The following GSG1L2 variants were observed in gnomAD, a reference collection of about 807,000 sequenced individuals.
GSG1L2 encodes GSG1 like 2.
GSG1L2 carries 15 observed loss-of-function variants against 9.0 expected under a neutral mutation model. That is an observed-to-expected ratio of 1.67 (90% CI 1.12 to 2.57). The LOEUF is 2.57. GSG1L2 is among the 30% of genes most tolerant of loss of function. The probability of loss-of-function intolerance (pLI) is 0.00; values close to 1 mark genes in which losing one functional copy is unlikely to be tolerated. For missense variants in GSG1L2, 286 were observed against 150.3 expected, an observed-to-expected ratio of 1.90 and a Z score of -4.72; for synonymous variants, 127 against 57.9, an observed-to-expected ratio of 2.19 and a Z score of -5.41.
chr17:9,807,075 G>A (rs971841043), intron 4 of GSG1L2, among the ~76,000 whole-genome samples: 2 of 152,154 alleles, frequency 1.3e-5, no homozygotes, highest in Non-Finnish European at 2.9e-5. Context: ...TAATATGGTC[G>A]AGTCAGTTAG....
At chr17:9,818,199 C>T (rs1372848273) in intron 1 of GSG1L2, among the ~76,000 whole-genome samples, 1 of 152,214 alleles carries the variant, frequency 6.6e-6, no homozygotes, top group Non-Finnish European at 1.5e-5. Flanking sequence ...ATCTGCTCAG[C>T]TTCTGGTGAG....
intron 1 of GSG1L2, among the ~76,000 whole-genome samples, chr17:9,819,251 T>C (rs887943632): frequency 6.6e-6 from 1 of 152,204 alleles, no homozygotes; most frequent in Admixed American, 6.5e-5. Context: ...AGCACCTACT[T>C]TGATGCTATA....
intron 1 of GSG1L2, 52 bp downstream of exon 1, chr17:9,821,710 C>A (rs1269975409): frequency 2.9e-6 from 2 of 688,114 alleles, no homozygotes; most frequent in African/African-American, 1.8e-5. Context: ...GGCTCCAGAG[C>A]CCCTGCCCCA....
At chr17:9,807,772 AC>A in intron 3 of GSG1L2, 171 bp from the exon 4 acceptor site, 1 of 582,844 alleles carries the variant, frequency 1.7e-6, no homozygotes, top group East Asian at 3.0e-5. Flanking sequence ...CACAATTGAA[AC>A]TGAAGAGACA....
chr17:9,806,030 G>C (rs879263831), intron 4 of GSG1L2, among the ~76,000 whole-genome samples: 1 of 152,176 alleles, frequency 6.6e-6, no homozygotes, highest in Admixed American at 6.5e-5. Flanking sequence ...AAGTGCCTGA[G>C]AGGTGGCCTT....
At chr17:9,818,345 G>T (rs2152024868) in intron 1 of GSG1L2, among the ~76,000 whole-genome samples, 1 of 151,794 alleles carries the variant, frequency 6.6e-6, no homozygotes, top group South Asian at 2.1e-4. Context: ...GTTTTGTTTT[G>T]TTTTTGAGAT....
chr17:9,805,238 A>G (rs1028794163), intron 4 of GSG1L2, among the ~76,000 whole-genome samples: 5 of 152,212 alleles, frequency 3.3e-5, no homozygotes, highest in Non-Finnish European at 1.5e-5. Context: ...TAATTCCAGG[A>G]CATGAATATT....
At chr17:9,818,664 A>T (rs891890387) in intron 1 of GSG1L2, among the ~76,000 whole-genome samples, 2 of 151,930 alleles carry the variant, frequency 1.3e-5, no homozygotes, top group Non-Finnish European at 2.9e-5. Flanking sequence ...TCCAACGACC[A>T]GATCCCGTGA....
At chr17:9,816,461 C>CCT (rs2066561349) in intron 1 of GSG1L2, among the ~76,000 whole-genome samples, 1 of 96,180 alleles carries the variant, frequency 1.0e-5, no homozygotes, top group Non-Finnish European at 1.9e-5. Flanking sequence ...TCTGTGTGTG[C>CCT]GTCCGTGTGC....
At chr17:9,803,872 G>C (rs1043796707) in intron 4 of GSG1L2, 3 of 152,250 alleles carry the variant, frequency 2.0e-5, no homozygotes, top group Non-Finnish European at 4.4e-5. Flanking sequence ...CAAACCCTGT[G>C]AGTCCAGATA....
Position 9,808,187 on chromosome 17 carries a change from T to C in GSG1L2, c.512-586A>G, listed in dbSNP as rs73976613. ...AACATGAGTAACTTTTCATATCCAG[T>C]TTGAGGACTAAAGGAAGTCATTTGT... On this transcript the variant is annotated intron_variant, in intron 3 of 4. Coordinates refer to ENST00000399363, the MANE Select transcript of GSG1L2 (RefSeq NM_001310219.2). 8.1e-3 allele frequency among the ~76,000 whole-genome samples: 1,232 copies of C among 152,148 alleles called. 13 individuals carry two copies. The highest frequency in any genetic ancestry group is 0.026 in the African/African-American group (1,094 of 41,514).
chr17:9,819,702 G>A lies in GSG1L2; in HGVS notation c.310+2060C>T, dbSNP rs578160674. Among the ~76,000 whole-genome samples, 3 of 151,986 alleles carry A rather than the reference G, an allele frequency of 2.0e-5. No homozygotes were observed. The East Asian group carries it at 5.8e-4, about 30-fold the overall frequency. ...GGCTGGAGTGCAATGGTACCATCTC[G>A]GCTCACTGCAACCTCTGCCTCCTGG... On this transcript the variant is annotated intron_variant, in intron 1 of 4. Transcript: ENST00000399363.
intron 1 of GSG1L2, among the ~76,000 whole-genome samples, chr17:9,814,991 G>A (rs1201298320): frequency 6.6e-6 from 1 of 152,216 alleles, no homozygotes; most frequent in African/African-American, 2.4e-5. Flanking sequence ...TGTCATTTCA[G>A]ATTGTGGGAT....
At chr17:9,816,640 CGTGTCTGTGT>C (rs1425895581) in intron 1 of GSG1L2, among the ~76,000 whole-genome samples, 3 of 100,044 alleles carry the variant, frequency 3.0e-5, no homozygotes, top group African/African-American at 4.1e-5. Context: ...TGTCTGTGTG[CGTGTCTGTGT>C]GTGTCTGTGT....
At chr17:9,814,836 C>T (rs145860345) in intron 1 of GSG1L2, among the ~76,000 whole-genome samples, 5 of 152,258 alleles carry the variant, frequency 3.3e-5, no homozygotes, top group Admixed American at 1.3e-4. Context: ...CCGCCCCTAT[C>T]CTTTATGGGG....
chr17:9,806,889 T>C (rs1161157949), intron 4 of GSG1L2, among the ~76,000 whole-genome samples: 1 of 152,238 alleles, frequency 6.6e-6, no homozygotes, highest in African/African-American at 2.4e-5. Context: ...ATGCGTTCAC[T>C]GAATCCTAGA....
At chr17:9,808,717 A>C in intron 3 of GSG1L2, 113 bp downstream of exon 3, 2 of 615,602 alleles carry the variant, frequency 3.2e-6, no homozygotes, top group Non-Finnish European at 5.9e-6. Context: ...CGCCCTGCTT[A>C]AATGGCCATT....
At position 9,810,589 on chromosome 17, in the gene GSG1L2, C is replaced by G; in HGVS notation, c.340G>C (p.Val114Leu). 1.4e-6 allele frequency: 1 copy of G among 703,032 alleles called. No individual in the cohort carries two copies. The highest frequency in any genetic ancestry group is 2.6e-6 in the Non-Finnish European group (1 of 385,028). 43.5% of individuals were successfully genotyped at this position (703,032 alleles called of 1,614,324 possible). A position where few individuals can be genotyped will look rare whatever the true frequency, so the allele number is the denominator to read the frequency against. ...TATTTACCTTGTTCTTCAGCTGGCA[C>G]TACACTCCGGAAACTCCTACACTTT... is the stretch of plus-strand genomic sequence containing the variant. ...DEKCRSFRSV[V>L]PAEEQGVLWL... Residue 114 changes from valine to leucine, a missense_variant, in exon 2 of 5, where the codon GTG (valine) becomes CTG (leucine). Val to Leu is a conservative substitution (Grantham distance 32, BLOSUM62 1). Coordinates refer to ENST00000399363, the MANE Select transcript of GSG1L2 (RefSeq NM_001310219.2).
At position 9,821,951 on chromosome 17, in the gene GSG1L2, G is replaced by A. The variant is rs541186493; in HGVS notation, c.121C>T (p.Pro41Ser). ...WCEGTRRVVK[P>S]LCQDQPGGQH... Reference sequence around the variant, plus strand: ...CCTCCCGGCTGGTCCTGGCACAGTGGCTTCACCACCCGTCGGGTCCCCTCA... The same window carrying A: ...CCTCCCGGCTGGTCCTGGCACAGTGACTTCACCACCCGTCGGGTCCCCTCA... Residue 41 changes from proline (P) to serine (S), a missense_variant, in exon 1 of 5, where the codon CCA becomes TCA. Coordinates refer to ENST00000399363, the MANE Select transcript of GSG1L2 (RefSeq NM_001310219.2). 1 of 703,144 alleles carries A rather than the reference G, an allele frequency of 1.4e-6. No individual in the cohort carries two copies. Among genetic ancestry groups the A allele is most frequent in the South Asian group, 1.5e-5 (1 of 67,604 alleles). The allele number at this position is 703,144 out of a possible 1,614,324, so 43.6% of individuals were successfully genotyped here. A position where few individuals can be genotyped will look rare whatever the true frequency, so the allele number is the denominator to read the frequency against.
Sources: gnomAD v4.1 joint callset for allele counts (sites outside exome capture counted in the v4.1 genomes callset) on GRCh38, gnomAD v4.1.1 for gene constraint, MANE v1.5 for transcripts, NCBI Gene and HGNC (gene_info 2026-07-23, HGNC 2026-07-21) for gene names.